The following SETX variants were observed in gnomAD, a reference collection of about 807,000 sequenced individuals.
SETX encodes helicase senataxin.
SETX carries 90 observed loss-of-function variants against 227.2 expected under a neutral mutation model. That is an observed-to-expected ratio of 0.40 (90% CI 0.33 to 0.47). SETX has a LOEUF of 0.47. SETX is among the 20% of genes least tolerant of loss of function. SETX has a pLI of 0.91. For missense variants in SETX, 3,052 were observed against 3,181.5 expected (o/e 0.96, Z 0.98); for synonymous variants, 1,210 against 1,113.2 (o/e 1.09, Z -1.73).
Position 132,292,434 on chromosome 9 carries a change from A to T in SETX, c.6106+3438T>A, listed in dbSNP as rs866191333. ...GGGGTACAAAAAAAAAAAAAAAAAAAAAAGAAAACATGATTAGACTTATAA... is the reference window on the plus strand; with the variant it reads ...GGGGTACAAAAAAAAAAAAAAAAAATAAAGAAAACATGATTAGACTTATAA... On this transcript the variant is annotated intron_variant, in intron 15 of 25. Coordinates refer to ENST00000224140, the MANE Select transcript of SETX (RefSeq NM_015046.7). Among the ~76,000 whole-genome samples, 29 of 148,928 alleles carry T rather than the reference A, an allele frequency of 1.9e-4. 1 individual carries two copies. The South Asian group carries it at 5.9e-3, about 30-fold the overall frequency.
Position 132,329,470 on chromosome 9 carries a change from T to C in SETX, c.2128A>G (p.Arg710Gly), listed in dbSNP as rs1176405847. The C allele has an allele frequency of 3.7e-6, 6 of 1,612,494 alleles. No individual in the cohort carries two copies. In the East Asian group the frequency reaches 1.3e-4, roughly 36 times the overall value. Reference sequence around the variant, plus strand: ...ATCTCTTTTACAGACTTCTGCTTCCTTGTACTTATTTTAATTTGATCTTCA... The same window carrying C: ...ATCTCTTTTACAGACTTCTGCTTCCCTGTACTTATTTTAATTTGATCTTCA... Reference protein sequence around the residue: ...RAEDQIKISTRKQKSVKEISS... With the variant: ...RAEDQIKISTGKQKSVKEISS... Residue 710 changes from arginine to glycine, a missense_variant, in exon 10 of 26, where the codon AGG (arginine) becomes GGG (glycine). Physicochemically the swap from Arg to Gly is moderately radical, Grantham distance 125. Transcript: ENST00000224140.
chr9:132,288,475 T>C, intron 16 of SETX, 75 bp downstream of exon 16: 1 of 1,439,568 alleles, frequency 6.9e-7, no homozygotes, highest in African/African-American at 1.4e-5. Context: ...GGCTTCAAAT[T>C]ACCTTTAGTG....
intron 5 of SETX, among the ~76,000 whole-genome samples, chr9:132,337,732 G>T (rs759333929): frequency 9.2e-5 from 14 of 152,202 alleles, no homozygotes; most frequent in Admixed American, 2.6e-4. Context: ...ATGTCAAGTG[G>T]TAAATAGTAA....
intron 7 of SETX, among the ~76,000 whole-genome samples, chr9:132,331,839 C>G (rs565293288): frequency 1.3e-3 from 191 of 152,110 alleles, no homozygotes; most frequent in Non-Finnish European, 2.3e-3. Flanking sequence ...CAATAACTAA[C>G]AGAAAAGAAG....
At chr9:132,349,131 A>C (rs561988675) in intron 3 of SETX, 121 bp downstream of exon 3, 11 of 1,063,226 alleles carry the variant, frequency 1.0e-5, no homozygotes, top group South Asian at 1.0e-4. Context: ...AAAAACAAAA[A>C]AAAAAACCCA....
intron 23 of SETX, 169 bp downstream of exon 23, chr9:132,275,087 G>A: frequency 1.5e-6 from 1 of 674,086 alleles, no homozygotes; most frequent in South Asian, 1.8e-5. Flanking sequence ...TGTCTACCCA[G>A]GAGCCACACA....
In SETX at chr9:132,278,061, G is replaced by C. The variant is rs1284754187; in HGVS notation, c.6842+9C>G. ...CAAAATAAGGTCACAAACAATAAGGGGAACTCACCTATTTGTTTTTAAGTT... is the reference window on the plus strand; with the variant it reads ...CAAAATAAGGTCACAAACAATAAGGCGAACTCACCTATTTGTTTTTAAGTT... On this transcript the variant is annotated intron_variant, in intron 21 of 25. Transcript: ENST00000224140. 1 of 1,610,256 alleles carries C rather than the reference G, an allele frequency of 6.2e-7. No homozygotes were observed. Among genetic ancestry groups the C allele is most frequent in the South Asian group, 1.1e-5 (1 of 91,000 alleles).
Position 132,282,927 on chromosome 9 carries a change from A to G in SETX, c.6546+337T>C, listed in dbSNP as rs80198435. The stretch of plus-strand genomic sequence containing the variant: ...ACTAGGAATAAAAGACATCAGGTGA[A>G]CATACTGTGGCTCAAAGCTATCCAA... On this transcript the variant is annotated intron_variant, in intron 19 of 25. Coordinates refer to ENST00000224140, the MANE Select transcript of SETX (RefSeq NM_015046.7). 7.7e-4 allele frequency: 276 copies of G among 356,892 alleles called. 1 individual carries two copies. Among genetic ancestry groups the G allele is most frequent in the African/African-American group, 4.6e-3 (218 of 47,436 alleles). The allele number at this position is 356,892 out of a possible 1,614,324, so 22.1% of individuals were successfully genotyped here.
chr9:132,267,921 G>A (rs1268162157), intron 25 of SETX, among the ~76,000 whole-genome samples: 1 of 152,176 alleles, frequency 6.6e-6, no homozygotes, highest in Non-Finnish European at 1.5e-5. Context: ...CTTAAGGGAG[G>A]ATGAAAAACA....
chr9:132,320,084 T>TA (rs537830278), intron 10 of SETX, among the ~76,000 whole-genome samples: 21 of 150,880 alleles, frequency 1.4e-4, no homozygotes, highest in African/African-American at 4.1e-4. Context: ...ATACAAGGAT[T>TA]AAAAAAAAAA....
intron 10 of SETX, among the ~76,000 whole-genome samples, chr9:132,320,593 CAAAAAAAAA>C (rs141457619): frequency 3.3e-5 from 2 of 61,068 alleles, no homozygotes; most frequent in Non-Finnish European, 5.7e-5. Flanking sequence ...GACTCCAACT[CAAAAAAAAA>C]AAAAAAAAAA....
intron 19 of SETX, among the ~76,000 whole-genome samples, chr9:132,282,019 T>TA (rs71376633): frequency 0.13 from 10,550 of 81,708 alleles, 791 homozygotes; most frequent in African/African-American, 0.2. Context: ...ACTCCGTCTC[T>TA]AAAAAAAAAA....
Position 132,262,568 on chromosome 9 carries a change from G to C in SETX, c.*1671C>G, listed in dbSNP as rs545678036. 1.3e-5 allele frequency: 2 copies of C among 152,714 alleles called. No individual in the cohort carries two copies. The highest frequency in any genetic ancestry group is 4.1e-4 in the South Asian group (2 of 4,824). The allele number at this position is 152,714 out of a possible 1,614,324, so 9.5% of individuals were successfully genotyped here. A position where few individuals can be genotyped will look rare whatever the true frequency, so the allele number is the denominator to read the frequency against. On this transcript the variant is annotated 3_prime_UTR_variant, in exon 26 of 26. Transcript: ENST00000224140. ...AGACAAACTCTCCACCCCCACAGAGGAAGCAGTGGCTGACTCTGGGGACAA... is the reference window on the plus strand; with the variant it reads ...AGACAAACTCTCCACCCCCACAGAGCAAGCAGTGGCTGACTCTGGGGACAA...
Position 132,286,498 on chromosome 9 carries a change from G to GA in SETX, c.6325-5dup, listed in dbSNP as rs762340703. 3.7e-6 allele frequency: 6 copies of GA among 1,610,218 alleles called. No individual in the cohort carries two copies. In the African/African-American group the frequency reaches 4.0e-5, roughly 11 times the overall value. ...TGTTTTCATCTAATTCTTGCCTCTG[G>GA]AAAAAAATTCAAATGTCACAATTAA... is the stretch of plus-strand genomic sequence containing the variant. On this transcript the variant is annotated splice_region_variant and splice_polypyrimidine_tract_variant and intron_variant, in intron 17 of 25. Coordinates refer to ENST00000224140, the MANE Select transcript of SETX (RefSeq NM_015046.7).
chr9:132,284,329 T>C (rs1485368841), intron 18 of SETX, among the ~76,000 whole-genome samples: 1 of 152,270 alleles, frequency 6.6e-6, no homozygotes, highest in Non-Finnish European at 1.5e-5. Context: ...TAAAATCTGA[T>C]TAAAATCTGT....
chr9:132,321,345 C>A (rs994712898), intron 10 of SETX, among the ~76,000 whole-genome samples: 1 of 152,060 alleles, frequency 6.6e-6, no homozygotes, highest in Non-Finnish European at 1.5e-5. Context: ...TATGGCAAAA[C>A]CCCACCTCTA....
intron 9 of SETX, among the ~76,000 whole-genome samples, chr9:132,330,781 T>G (rs1222780724): frequency 6.6e-6 from 1 of 152,250 alleles, no homozygotes; most frequent in African/African-American, 2.4e-5. Flanking sequence ...TAGCTAGTTT[T>G]GATTTCTAGT....
At chr9:132,349,180 C>T (rs1589790978) in intron 3 of SETX, 72 bp downstream of exon 3, 1 of 1,396,902 alleles carries the variant, frequency 7.2e-7, no homozygotes, top group African/African-American at 1.4e-5. Flanking sequence ...TGAATACTTC[C>T]AACGGAGTTC....
chr9:132,281,435 A>C (rs1004986055), intron 20 of SETX, 32 bp downstream of exon 20: 1 of 1,534,392 alleles, frequency 6.5e-7, no homozygotes, highest in East Asian at 2.2e-5. Flanking sequence ...AGCCCCTTCC[A>C]TTTTAAAGCA....
Sources: gnomAD v4.1 joint callset for allele counts (sites outside exome capture counted in the v4.1 genomes callset) on GRCh38, gnomAD v4.1.1 for gene constraint, MANE v1.5 for transcripts, NCBI Gene and HGNC (gene_info 2026-07-23, HGNC 2026-07-21) for gene names.